Variants in NT5C3A observed in about 807,000 individuals in gnomAD.
The protein encoded by NT5C3A is 5'-nucleotidase, cytosolic IIIA, also known as cytosolic 5'-nucleotidase 3A.
NT5C3A carries 23 observed loss-of-function variants against 40.0 expected under a neutral mutation model. That is an observed-to-expected ratio of 0.58 (90% CI 0.41 to 0.81). NT5C3A has a LOEUF of 0.81. NT5C3A is among the 40% of genes least tolerant of loss of function. The pLI is 0.00. For synonymous variants in NT5C3A, 130 were observed against 141.4 expected (o/e 0.92, Z 0.57); for missense variants, 328 against 403.0 (o/e 0.81, Z 1.59).
intron 1 of NT5C3A, chr7:33,038,908 A>G (rs1232460996): frequency 2.2e-6 from 1 of 456,580 alleles, no homozygotes; most frequent in Admixed American, 2.3e-5. Context: ...AAAATAGAAA[A>G]TACTGCCCTT....
intron 1 of NT5C3A, among the ~76,000 whole-genome samples, chr7:33,035,415 G>A (rs1583934435): frequency 6.6e-6 from 1 of 151,938 alleles, no homozygotes; most frequent in East Asian, 1.9e-4. Context: ...GGATGGTCTC[G>A]ATCTCCTGAC....
intron 6 of NT5C3A, among the ~76,000 whole-genome samples, chr7:33,018,245 T>A (rs1243436403): frequency 1.3e-5 from 2 of 152,186 alleles, no homozygotes; most frequent in African/African-American, 2.4e-5. Context: ...TACAGTTTCA[T>A]CAAAATCCAT....
chr7:33,017,365 TA>T, intron 7 of NT5C3A, 73 bp downstream of exon 7: 1 of 1,215,852 alleles, frequency 8.2e-7, no homozygotes, highest in Non-Finnish European at 1.2e-6. Context: ...ATATATTAAG[TA>T]ACAATAAATA....
chr7:33,060,561 T>G (rs1031681474), intron 1 of NT5C3A, among the ~76,000 whole-genome samples: 3 of 152,150 alleles, frequency 2.0e-5, no homozygotes, highest in African/African-American at 7.2e-5. Flanking sequence ...GTCTCTCAAT[T>G]AAAAACTCTT....
chr7:33,017,550 C>T lies in NT5C3A; in HGVS notation c.582G>A (p.Val194=), dbSNP rs777132137. The T allele has an allele frequency of 3.1e-6, 5 of 1,613,712 alleles. No homozygotes were observed. Among genetic ancestry groups the T allele is most frequent in the Non-Finnish European group, 3.4e-6 (4 of 1,179,746 alleles). The stretch of plus-strand genomic sequence containing the variant: ...CGCCGATTCCAGCCGAAAATATGAA[C>T]ACGGGGATGCTATGTTGTTGGAGCT... ...FDKLQQHSIP[V]FIFSAGIGDV... Residue 194 remains valine (V), a synonymous_variant, in exon 7 of 9, where the codon GTG becomes GTA. Transcript: ENST00000610140.
At chr7:33,019,272 T>C (rs971373535) in intron 6 of NT5C3A, among the ~76,000 whole-genome samples, 1 of 151,312 alleles carries the variant, frequency 6.6e-6, no homozygotes, top group African/African-American at 2.4e-5. Context: ...AAAAAAAAAG[T>C]ATACTTAAAT....
intron 7 of NT5C3A, chr7:33,017,230 C>G: frequency 1.9e-6 from 1 of 535,650 alleles, no homozygotes; most frequent in East Asian, 3.1e-5. Context: ...TATTATTAGT[C>G]TATAGCTTGG....
intron 1 of NT5C3A, among the ~76,000 whole-genome samples, chr7:33,048,996 G>A (rs1787260560): frequency 6.6e-6 from 1 of 152,104 alleles, no homozygotes; most frequent in Non-Finnish European, 1.5e-5. Context: ...TAACAGAAGG[G>A]AGAAGATAGG....
At chr7:33,043,657 T>C (rs1420898625) in intron 1 of NT5C3A, among the ~76,000 whole-genome samples, 1 of 152,156 alleles carries the variant, frequency 6.6e-6, no homozygotes, top group Non-Finnish European at 1.5e-5. Flanking sequence ...CTGGTGTGTG[T>C]GCCTGTCCTG....
At chr7:33,035,775 G>T (rs1786564038) in intron 1 of NT5C3A, among the ~76,000 whole-genome samples, 1 of 152,150 alleles carries the variant, frequency 6.6e-6, no homozygotes, top group Admixed American at 6.5e-5. Context: ...AAGATAATTT[G>T]AAATTCAATT....
At chr7:33,037,412 T>C (rs769314312) in intron 1 of NT5C3A, among the ~76,000 whole-genome samples, 34 of 152,232 alleles carry the variant, frequency 2.2e-4, no homozygotes, top group Non-Finnish European at 4.0e-4. Context: ...ATAAGTAAAA[T>C]TTTATAATTA....
intron 8 of NT5C3A, among the ~76,000 whole-genome samples, chr7:33,015,413 A>C (rs971965666): frequency 1.3e-5 from 2 of 152,078 alleles, no homozygotes; most frequent in African/African-American, 4.8e-5. Flanking sequence ...AAATTTAAAA[A>C]TCAGCCAGGT....
chr7:33,060,898 G>A (rs998955048), intron 1 of NT5C3A, among the ~76,000 whole-genome samples: 7 of 152,130 alleles, frequency 4.6e-5, no homozygotes, highest in African/African-American at 1.7e-4. Flanking sequence ...CCATTGAAAA[G>A]CTACTAGCAG....
chr7:33,015,855 A>G lies in NT5C3A; in HGVS notation c.709T>C (p.Phe237Leu), dbSNP rs1331351287. ...AATACATGAATTAGTTCTCCTTTAA[A>G]TCCTTTGAGCACCCCCTATGAAAAA... ...DFDETGVLKG[F>L]KGELIHVFNK... Residue 237 changes from phenylalanine to leucine, a missense_variant, in exon 8 of 9, where the codon TTT becomes CTT. Physicochemically the swap from Phe to Leu is conservative, Grantham distance 22. Transcript: ENST00000610140. 6.2e-7 allele frequency: 1 copy of G among 1,606,590 alleles called. No individual in the cohort carries two copies. Among genetic ancestry groups the G allele is most frequent in the Non-Finnish European group, 8.5e-7 (1 of 1,173,278 alleles).
intron 1 of NT5C3A, among the ~76,000 whole-genome samples, chr7:33,047,427 T>C (rs561097756): frequency 6.4e-4 from 97 of 152,344 alleles, no homozygotes; most frequent in African/African-American, 2.0e-3. Flanking sequence ...AATTCATGAA[T>C]TAATAGTAAC....
At chr7:33,019,532 T>C (rs1261788279) in intron 6 of NT5C3A, 103 bp downstream of exon 6, 11 of 756,166 alleles carry the variant, frequency 1.5e-5, no homozygotes, top group Non-Finnish European at 2.6e-5. Flanking sequence ...TATGGTTATA[T>C]AAGGAATATT....
chr7:33,031,047 C>A lies in NT5C3A; in HGVS notation c.139-4132G>T, dbSNP rs575088570. Among the ~76,000 whole-genome samples the A allele has an allele frequency of 1.6e-3, 239 of 150,876 alleles. 5 individuals carry two copies. Among genetic ancestry groups the A allele is most frequent in the East Asian group, 9.8e-4 (5 of 5,124 alleles). On this transcript the variant is annotated intron_variant, in intron 1 of 8. Transcript: ENST00000610140. ...CCCGGGGGGCGGAGCCTGCAGTGAGCCGAGATCGCGCCACTGCACTCCAGC... is the reference window on the plus strand; with the variant it reads ...CCCGGGGGGCGGAGCCTGCAGTGAGACGAGATCGCGCCACTGCACTCCAGC...
chr7:33,045,761 T>C (rs1583956761), intron 1 of NT5C3A: 1 of 63,624 alleles, frequency 1.6e-5, no homozygotes, highest in Non-Finnish European at 3.1e-5. Context: ...CCGGCCCTCA[T>C]TTTTTTTTTT....
At chr7:33,037,164 C>T (rs895141183) in intron 1 of NT5C3A, among the ~76,000 whole-genome samples, 1 of 152,162 alleles carries the variant, frequency 6.6e-6, no homozygotes. Flanking sequence ...GTATTTGAAT[C>T]GAGCATTGTG....
Sources: allele counts gnomAD v4.1 joint callset (sites outside exome capture counted in the v4.1 genomes callset), GRCh38; gene constraint gnomAD v4.1.1; transcripts MANE v1.5; gene names NCBI Gene and HGNC (gene_info 2026-07-23, HGNC 2026-07-21).